ALDH1A3: variants seen among roughly 807,000 people sequenced by gnomAD.
ALDH1A3 encodes aldehyde dehydrogenase 1 family member A3.
Under a neutral mutation model 57.5 loss-of-function variants are expected in ALDH1A3, and 28 were observed. The observed-to-expected ratio is 0.49, with a 90% CI of 0.36 to 0.67. The LOEUF (loss-of-function observed/expected upper bound fraction) is 0.67, where lower values mean the gene tolerates loss of function less well. Among genes scored for constraint, ALDH1A3 ranks in the 30% least tolerant of loss-of-function variants. The pLI is 0.00. For missense variants in ALDH1A3, 507 were observed against 669.4 expected (o/e 0.76, Z 2.68); for synonymous variants, 281 against 264.8 (o/e 1.06, Z -0.59).
chr15:100,908,586 C>T (rs535590798), intron 12 of ALDH1A3, 104 bp downstream of exon 12: 85 of 1,016,756 alleles, frequency 8.4e-5, no homozygotes, highest in South Asian at 5.1e-4. Flanking sequence ...CCGTCCCCCC[C>T]ACACCGCCGC....
Position 100,887,894 on chromosome 15 carries a change from C to G in ALDH1A3, c.345+182C>G, listed in dbSNP as rs1274229552. Among the ~76,000 whole-genome samples, 1 of 152,170 alleles carries G rather than the reference C, an allele frequency of 6.6e-6. No homozygotes were observed. ...GTGTTAATGCCTCTAGACTGAATCC[C>G]TTTCATTTTGAAGTCAGACTTTTGT... On this transcript the variant is annotated intron_variant, in intron 3 of 12. Coordinates refer to ENST00000329841, the MANE Select transcript of ALDH1A3 (RefSeq NM_000693.4). The surrounding 1 kb of genome is among the most constrained non-coding windows in gnomAD (Gnocchi z 4.6).
Position 100,893,134 on chromosome 15 carries a change from G to T in ALDH1A3, c.537+128G>T. The T allele has an allele frequency of 1.2e-6, 1 of 803,576 alleles. No individual in the cohort carries two copies. The highest frequency in any genetic ancestry group is 2.6e-5 in the East Asian group (1 of 37,978). The allele number at this position is 803,576 out of a possible 1,614,324, so 49.8% of individuals were successfully genotyped here. A position where few individuals can be genotyped will look rare whatever the true frequency, so the allele number is the denominator to read the frequency against. On this transcript the variant is annotated intron_variant, in intron 5 of 12. Coordinates refer to ENST00000329841, the MANE Select transcript of ALDH1A3 (RefSeq NM_000693.4). This position sits in a 1 kb window ranked among gnomAD's most constrained non-coding sequence, Gnocchi z 4.8. ...GCGTTGAACAAGCATTTTCTTCGTG[G>T]CATGGAACTCCATGCTTGGGGGCTC...
rs1186920713 is a variant in ALDH1A3, at chr15:100,896,038, T to A, written c.772T>A (p.Ser258Thr). Reference protein sequence around the residue: ...PQINKIAFTGSTEVGKLVKEA... With the variant: ...PQINKIAFTGTTEVGKLVKEA... ...GATCAACAAGATCGCCTTCACCGGC[T>A]CCACAGAGGTAACCCTCCTCACAGG... Residue 258 changes from serine (S) to threonine (T), a missense_variant, in exon 7 of 13, where the codon TCC becomes ACC. Coordinates refer to ENST00000329841, the MANE Select transcript of ALDH1A3 (RefSeq NM_000693.4). 3.7e-6 allele frequency: 6 copies of A among 1,608,628 alleles called. No individual in the cohort carries two copies. The highest frequency in any genetic ancestry group is 4.2e-6 in the Non-Finnish European group (5 of 1,177,354).
chr15:100,899,779 C>A (rs2041747512), intron 8 of ALDH1A3, among the ~76,000 whole-genome samples: 1 of 152,186 alleles, frequency 6.6e-6, no homozygotes, highest in Non-Finnish European at 1.5e-5. Flanking sequence ...ATAGGAGCAG[C>A]CTCCTTCTCA....
chr15:100,879,864 C>T lies in ALDH1A3; in HGVS notation c.-44C>T. 1.5e-6 allele frequency: 2 copies of T among 1,300,226 alleles called. No homozygotes were observed. Among genetic ancestry groups the T allele is most frequent in the Non-Finnish European group, 2.0e-6 (2 of 1,012,790 alleles). The allele number at this position is 1,300,226 out of a possible 1,614,324, so 80.5% of individuals were successfully genotyped here. A position where few individuals can be genotyped will look rare whatever the true frequency, so the allele number is the denominator to read the frequency against. ...GCGCAGTGTCCGGGCCGAGCCGGTG[C>T]GCCGCAGACTAGGGCGCCTCGGGCC... On this transcript the variant is annotated 5_prime_UTR_variant, in exon 1 of 13. Coordinates refer to ENST00000329841, the MANE Select transcript of ALDH1A3 (RefSeq NM_000693.4).
At chr15:100,886,338 G>T (rs1210629082) in intron 2 of ALDH1A3, among the ~76,000 whole-genome samples, 1 of 152,216 alleles carries the variant, frequency 6.6e-6, no homozygotes, top group Non-Finnish European at 1.5e-5. Context: ...GTTTCCACTA[G>T]GAGACTCCCA....
intron 7 of ALDH1A3, among the ~76,000 whole-genome samples, chr15:100,896,990 AG>A (rs1183723155): frequency 2.0e-5 from 3 of 152,236 alleles, no homozygotes; most frequent in Non-Finnish European, 4.4e-5. Context: ...GGGAAGCTGA[AG>A]GCTTTCTCCC....
chr15:100,893,950 G>T lies in ALDH1A3; in HGVS notation c.538-4G>T, dbSNP rs368867260. 6.2e-7 allele frequency: 1 copy of T among 1,613,970 alleles called. No individual in the cohort carries two copies. The highest frequency in any genetic ancestry group is 8.5e-7 in the Non-Finnish European group (1 of 1,179,914). On this transcript the variant is annotated splice_region_variant and splice_polypyrimidine_tract_variant and intron_variant, in intron 5 of 12. Coordinates refer to ENST00000329841, the MANE Select transcript of ALDH1A3 (RefSeq NM_000693.4). The surrounding 1 kb of genome is among the most constrained non-coding windows in gnomAD (Gnocchi z 4.8). Reference sequence around the variant, plus strand: ...GCCTCCAAAGCCCCTGTGCTCTGTCGCAGTGGAACTTCCCCCTGCTGATGC... The same window carrying T: ...GCCTCCAAAGCCCCTGTGCTCTGTCTCAGTGGAACTTCCCCCTGCTGATGC...
chr15:100,881,742 G>A (rs554888571), intron 1 of ALDH1A3, among the ~76,000 whole-genome samples: 1 of 152,256 alleles, frequency 6.6e-6, no homozygotes, highest in African/African-American at 2.4e-5. Flanking sequence ...TGGAGTGCTG[G>A]GATCTTGAGT....
At chr15:100,908,271 C>G in intron 11 of ALDH1A3, 137 bp from the exon 12 acceptor site, 1 of 683,282 alleles carries the variant, frequency 1.5e-6, no homozygotes, top group Non-Finnish European at 2.5e-6. Flanking sequence ...TGAGAGCACC[C>G]TGTGTTTTCA....
In ALDH1A3 at chr15:100,907,234, C is replaced by G. The variant is rs1437336863; in HGVS notation, c.1347C>G (p.Asp449Glu). The G allele has an allele frequency of 6.2e-7, 1 of 1,614,214 alleles. No individual in the cohort carries two copies. Among genetic ancestry groups the G allele is most frequent in the Middle Eastern group, 1.6e-4 (1 of 6,062 alleles). The change falls in exon 11 of 13, where the codon GAC becomes GAG. Residue 449 changes from aspartate (D) to glutamate (E), a missense_variant. Coordinates refer to ENST00000329841, the MANE Select transcript of ALDH1A3 (RefSeq NM_000693.4). ...CAGCCGTGTTCACAAAAAATCTCGA[C>G]AAAGCCCTGAAGTTGGCTTCTGCCT... ...LTAAVFTKNL[D>E]KALKLASALE... is the part of the protein sequence containing the mutation.
chr15:100,888,990 A>G (rs1371930616), intron 3 of ALDH1A3: 1 of 152,214 alleles, frequency 6.6e-6, no homozygotes, highest in Non-Finnish European at 1.5e-5. Context: ...TGAGCTGCCA[A>G]GGCATTCATC....
intron 1 of ALDH1A3, 27 bp downstream of exon 1, chr15:100,880,033 C>T: frequency 5.6e-6 from 8 of 1,429,716 alleles, no homozygotes; most frequent in Non-Finnish European, 7.4e-6. Context: ...TCCCACCCGA[C>T]GGCCGCGGGC....
intron 8 of ALDH1A3, among the ~76,000 whole-genome samples, chr15:100,899,721 A>T (rs189391798): frequency 1.0e-3 from 159 of 152,212 alleles, no homozygotes; most frequent in African/African-American, 3.7e-3. Flanking sequence ...CCCAAACCTT[A>T]TGGTGCTGTC....
chr15:100,914,961 A>T lies in ALDH1A3; in HGVS notation c.*188A>T, dbSNP rs1190282908. Reference sequence around the variant, plus strand: ...TTTATTCACCAGACTGGGGATGCCTATAGGTTGTCTGTGAAATCGCAGTCC... The same window carrying T: ...TTTATTCACCAGACTGGGGATGCCTTTAGGTTGTCTGTGAAATCGCAGTCC... On this transcript the variant is annotated 3_prime_UTR_variant, in exon 13 of 13. Transcript: ENST00000329841. The T allele has an allele frequency of 6.6e-6, 4 of 604,970 alleles. No individual in the cohort carries two copies. The highest frequency in any genetic ancestry group is 1.2e-5 in the Non-Finnish European group (4 of 346,998). 37.5% of individuals were successfully genotyped at this position (604,970 alleles called of 1,614,324 possible).
intron 12 of ALDH1A3, among the ~76,000 whole-genome samples, chr15:100,910,293 G>C (rs2041870246): frequency 6.6e-6 from 1 of 152,254 alleles, no homozygotes; most frequent in South Asian, 2.1e-4. Flanking sequence ...CCCCTTTGCA[G>C]AAATTGCATT....
In ALDH1A3 at chr15:100,894,787, T is replaced by G. The variant is rs4646668; in HGVS notation, c.666+705T>G. ...GTGGGAACAGCTGGTGATGAGCCAA[T>G]TTTCCACTTTCCTTTGGTGATGTGG... On this transcript the variant is annotated intron_variant, in intron 6 of 12. Coordinates refer to ENST00000329841, the MANE Select transcript of ALDH1A3 (RefSeq NM_000693.4). This position sits in a 1 kb window ranked among gnomAD's most constrained non-coding sequence, Gnocchi z 4.5. 0.15 allele frequency: 22,630 copies of G among 152,228 alleles called. 2,289 individuals carry two copies. Among genetic ancestry groups the G allele is most frequent in the East Asian group, 0.49 (2,515 of 5,166 alleles). 9.4% of individuals were successfully genotyped at this position (152,228 alleles called of 1,614,324 possible).
chr15:100,887,534 A>G lies in ALDH1A3; in HGVS notation c.205-38A>G, dbSNP rs994098650. 2.2e-5 allele frequency: 33 copies of G among 1,508,646 alleles called. No homozygotes were observed. The highest frequency in any genetic ancestry group is 2.9e-5 in the Non-Finnish European group (32 of 1,122,568). The allele number at this position is 1,508,646 out of a possible 1,614,324, so 93.5% of individuals were successfully genotyped here. On this transcript the variant is annotated intron_variant, in intron 2 of 12. Coordinates refer to ENST00000329841, the MANE Select transcript of ALDH1A3 (RefSeq NM_000693.4). The surrounding 1 kb of genome is among the most constrained non-coding windows in gnomAD (Gnocchi z 4.6). Reference sequence around the variant, plus strand: ...TGACACCCAAACTGCAGTCACGTCAAAAGATGACAGTCTCTCTCTGTTGTT... The same window carrying G: ...TGACACCCAAACTGCAGTCACGTCAGAAGATGACAGTCTCTCTCTGTTGTT...
chr15:100,898,174 C>T lies in ALDH1A3; in HGVS notation c.872C>T (p.Ala291Val), dbSNP rs770345049. The T allele has an allele frequency of 5.0e-6, 8 of 1,613,700 alleles. No homozygotes were observed. In the East Asian group the frequency reaches 6.7e-5, roughly 13 times the overall value. Reference protein sequence around the residue: ...LGGKNPCIVCADADLDLAVEC... With the variant: ...LGGKNPCIVCVDADLDLAVEC... ...GGGAAGAACCCCTGCATCGTGTGTG[C>T]GGACGCTGACTGTGAGTCTCTGCCC... The change falls in exon 8 of 13, where the codon GCG (alanine) becomes GTG (valine). Residue 291 changes from alanine (A) to valine (V), a missense_variant. Physicochemically the swap from Ala to Val is moderately conservative, Grantham distance 64. Transcript: ENST00000329841.
Sources: gnomAD v4.1 joint callset for allele counts (sites outside exome capture counted in the v4.1 genomes callset) on GRCh38, gnomAD v4.1.1 for gene constraint, Gnocchi (gnomAD v3.1) non-coding constraint, MANE v1.5 for transcripts, NCBI Gene and HGNC (gene_info 2026-07-23, HGNC 2026-07-21) for gene names.